The following TGFBR2 variants were observed in gnomAD, a reference collection of about 807,000 sequenced individuals.
TGFBR2 encodes the protein TGF-beta receptor type-2.
A neutral mutation model predicts 49.0 loss-of-function variants in TGFBR2; 18 were observed. The observed-to-expected ratio is 0.37, with a 90% CI of 0.25 to 0.54. The LOEUF (loss-of-function observed/expected upper bound fraction) is 0.54. TGFBR2 is among the 20% of genes least tolerant of loss of function. The pLI is 0.85. For synonymous variants in TGFBR2, 282 were observed against 275.9 expected (o/e 1.02, Z -0.22); for missense variants, 525 against 722.6 (o/e 0.73, Z 3.13).
At chr3:30,608,232 C>T (rs1459333217) in intron 1 of TGFBR2, among the ~76,000 whole-genome samples, 2 of 152,114 alleles carry the variant, frequency 1.3e-5, no homozygotes, top group African/African-American at 2.4e-5. Context: ...CCACCGCGCC[C>T]GGCCAAAAGT....
rs1427953869 is a variant in TGFBR2, at chr3:30,644,738, T to C, written c.95-9T>C. The C allele has an allele frequency of 6.2e-7, 1 of 1,613,720 alleles. No individual in the cohort carries two copies. The highest frequency in any genetic ancestry group is 1.7e-5 in the Admixed American group (1 of 59,992). ...GATAATCATTTAATATATCTTTCTC[T>C]CTCCTCAGTTAATAACGACATGATA... On this transcript the variant is annotated splice_polypyrimidine_tract_variant and intron_variant, in intron 1 of 6. Coordinates refer to ENST00000295754, the MANE Select transcript of TGFBR2 (RefSeq NM_003242.6).
At chr3:30,685,459 G>A (rs1470874633) in intron 5 of TGFBR2, among the ~76,000 whole-genome samples, 2 of 152,164 alleles carry the variant, frequency 1.3e-5, no homozygotes, top group Non-Finnish European at 2.9e-5. Flanking sequence ...ACACTTTTGT[G>A]CAATGATTTA....
chr3:30,607,005 G>A lies in TGFBR2; in HGVS notation c.94+28G>A, dbSNP rs1372610363. On this transcript the variant is annotated intron_variant, in intron 1 of 6. Coordinates refer to ENST00000295754, the MANE Select transcript of TGFBR2 (RefSeq NM_003242.6). ...GAGTGGTCCCCAGCCCGGGCTCGGC[G>A]GGGCGCCGGGGGTCTTCCTGGGGTC... The A allele has an allele frequency of 1.9e-6, 3 of 1,545,956 alleles. No individual in the cohort carries two copies. The Admixed American group carries it at 5.8e-5, about 30-fold the overall frequency.
At chr3:30,641,645 A>G (rs1351827331) in intron 1 of TGFBR2, among the ~76,000 whole-genome samples, 1 of 152,162 alleles carries the variant, frequency 6.6e-6, no homozygotes, top group Non-Finnish European at 1.5e-5. Context: ...CCTCATATAC[A>G]GTGGGTGCTC....
chr3:30,659,943 C>T (rs1699087974), intron 3 of TGFBR2, among the ~76,000 whole-genome samples: 2 of 151,952 alleles, frequency 1.3e-5, no homozygotes, highest in Admixed American at 6.6e-5. Context: ...TTATTTCCAC[C>T]CACGTATACT....
chr3:30,664,741 C>T (rs143458442), intron 3 of TGFBR2, among the ~76,000 whole-genome samples: 5 of 152,326 alleles, frequency 3.3e-5, no homozygotes, highest in Admixed American at 1.3e-4. Flanking sequence ...ACACCAGTTC[C>T]TAAAAGGAAC....
intron 1 of TGFBR2, among the ~76,000 whole-genome samples, chr3:30,629,383 G>C (rs896549054): frequency 1.3e-5 from 2 of 152,160 alleles, no homozygotes; most frequent in South Asian, 2.1e-4. Flanking sequence ...TCATGAACCA[G>C]CTCCTCCCAG....
chr3:30,648,458 A>ACC (rs1559458188), intron 2 of TGFBR2, among the ~76,000 whole-genome samples: 2 of 142,904 alleles, frequency 1.4e-5, no homozygotes, highest in African/African-American at 2.7e-5. Context: ...ACACACACAC[A>ACC]CACAAAACTG....
chr3:30,692,111 G>A lies in TGFBR2; in HGVS notation c.*512G>A, dbSNP rs1038715133. On this transcript the variant is annotated 3_prime_UTR_variant, in exon 7 of 7. Coordinates refer to ENST00000295754, the MANE Select transcript of TGFBR2 (RefSeq NM_003242.6). ...GCAGTGGTTCTCTGACTGTAAAACA[G>A]TGAACTTTGCATGAGGAAAGAGGCT... The A allele has an allele frequency of 1.3e-4, 29 of 224,190 alleles. No individual in the cohort carries two copies. The highest frequency in any genetic ancestry group is 5.8e-4 in the African/African-American group (26 of 44,708). The allele number at this position is 224,190 out of a possible 1,614,324, so 13.9% of individuals were successfully genotyped here. A position where few individuals can be genotyped will look rare whatever the true frequency, so the allele number is the denominator to read the frequency against.
chr3:30,637,482 T>C (rs1384178041), intron 1 of TGFBR2, among the ~76,000 whole-genome samples: 1 of 152,144 alleles, frequency 6.6e-6, no homozygotes, highest in Non-Finnish European at 1.5e-5. Flanking sequence ...TTGGCCAAAC[T>C]TACTGGAAGC....
At chr3:30,628,528 GTT>G (rs569832149) in intron 1 of TGFBR2, among the ~76,000 whole-genome samples, 1,995 of 80,076 alleles carry the variant, frequency 0.025, 27 homozygotes, top group African/African-American at 0.099. Context: ...AAGCCTGTGG[GTT>G]TTTTTTTTTT....
intron 1 of TGFBR2, among the ~76,000 whole-genome samples, chr3:30,610,325 A>ATTTT (rs5847645): frequency 6.6e-6 from 1 of 151,154 alleles, no homozygotes; most frequent in Non-Finnish European, 1.5e-5. Flanking sequence ...CAAAAGCCTC[A>ATTTT]TTTTTTTTTG....
chr3:30,645,805 G>A (rs541509355), intron 2 of TGFBR2, among the ~76,000 whole-genome samples: 36 of 148,004 alleles, frequency 2.4e-4, no homozygotes, highest in Middle Eastern at 3.4e-3. Flanking sequence ...TATTTTTATC[G>A]GATCACATTT....
intron 6 of TGFBR2, 27 bp downstream of exon 6, chr3:30,688,538 A>G (rs759523651): frequency 6.2e-7 from 1 of 1,613,974 alleles, no homozygotes; most frequent in Admixed American, 1.7e-5. Flanking sequence ...TACAAAGGTC[A>G]GTAAGATTCA....
Position 30,671,682 on chromosome 3 carries a change from G to A in TGFBR2, c.499G>A (p.Val167Met), listed in dbSNP as rs1266079634. Residue 167 changes from valine to methionine, a missense_variant, in exon 4 of 7, where the codon GTG (valine) becomes ATG (methionine). Around this residue, in one of 3 missense-constraint regions of TGFBR2, gnomAD observed 376 missense variants for 478.2 expected, o/e 0.79. Coordinates refer to ENST00000295754, the MANE Select transcript of TGFBR2 (RefSeq NM_003242.6). ...TGACTTGTTGCTAGTCATATTTCAAGTGACAGGCATCAGCCTCCTGCCACC... is the reference window on the plus strand; with the variant it reads ...TGACTTGTTGCTAGTCATATTTCAAATGACAGGCATCAGCCTCCTGCCACC... ...NPDLLLVIFQVTGISLLPPLG... is the reference protein window; with the variant it reads ...NPDLLLVIFQMTGISLLPPLG... 6.2e-7 allele frequency: 1 copy of A among 1,614,162 alleles called. No individual in the cohort carries two copies. Among genetic ancestry groups the A allele is most frequent in the East Asian group, 2.2e-5 (1 of 44,880 alleles).
intron 5 of TGFBR2, among the ~76,000 whole-genome samples, chr3:30,682,437 A>T (rs1023913179): frequency 6.6e-6 from 1 of 152,248 alleles, no homozygotes; most frequent in East Asian, 1.9e-4. Context: ...AATTTTTTTT[A>T]AAAAGGTGGT....
In TGFBR2 at chr3:30,672,987, G is replaced by A. The variant is rs1412090675; in HGVS notation, c.1254+550G>A. Among the ~76,000 whole-genome samples the A allele has an allele frequency of 1.3e-5, 2 of 152,164 alleles. No homozygotes were observed. The highest frequency in any genetic ancestry group is 4.8e-5 in the African/African-American group (2 of 41,422). Reference sequence around the variant, plus strand: ...TTGAAGCACTCTCACAGATTAAAATGGAAATGTTTTTGGCTAAGAAACTAT... The same window carrying A: ...TTGAAGCACTCTCACAGATTAAAATAGAAATGTTTTTGGCTAAGAAACTAT... On this transcript the variant is annotated intron_variant, in intron 4 of 6. Coordinates refer to ENST00000295754, the MANE Select transcript of TGFBR2 (RefSeq NM_003242.6). This position sits in a 1 kb window ranked among gnomAD's most constrained non-coding sequence, Gnocchi z 4.5.
chr3:30,658,565 G>A (rs990181613), intron 3 of TGFBR2, among the ~76,000 whole-genome samples: 1 of 152,188 alleles, frequency 6.6e-6, no homozygotes, highest in African/African-American at 2.4e-5. Flanking sequence ...AGTGGTGCAC[G>A]TTGCTGACTC....
At chr3:30,624,414 G>C (rs2125455076) in intron 1 of TGFBR2, among the ~76,000 whole-genome samples, 1 of 151,844 alleles carries the variant, frequency 6.6e-6, no homozygotes, top group African/African-American at 2.4e-5. Flanking sequence ...TTAAGAGATT[G>C]AGACCATCCT....
Sources: allele counts gnomAD v4.1 joint callset (sites outside exome capture counted in the v4.1 genomes callset), GRCh38; gene constraint gnomAD v4.1.1; regional missense constraint gnomAD v4.1.1; non-coding constraint Gnocchi (gnomAD v3.1); transcripts MANE v1.5; gene names NCBI Gene and HGNC (gene_info 2026-07-23, HGNC 2026-07-21).